Variants in KIF1B observed in about 807,000 individuals in gnomAD.
KIF1B encodes kinesin-like protein KIF1B.
Under a neutral mutation model 241.9 loss-of-function variants are expected in KIF1B, and 76 were observed. That is an observed-to-expected ratio of 0.31 (90% CI 0.26 to 0.38). The LOEUF (loss-of-function observed/expected upper bound fraction) is 0.38, where lower values mean the gene tolerates loss of function less well. KIF1B is among the 10% of genes least tolerant of loss of function. The pLI is 1.00. For synonymous variants in KIF1B, 750 were observed against 796.7 expected, an observed-to-expected ratio of 0.94 and a Z score of 0.99; for missense variants, 1,622 against 2,271.4, an observed-to-expected ratio of 0.71 and a Z score of 5.81.
intron 27 of KIF1B, among the ~76,000 whole-genome samples, chr1:10,333,849 CTTAAA>C (rs1362616522): frequency 6.6e-6 from 1 of 151,286 alleles, no homozygotes; most frequent in Non-Finnish European, 1.5e-5. Context: ...TTTATAATTT[CTTAAA>C]TTAAAAGGTT....
intron 31 of KIF1B, among the ~76,000 whole-genome samples, chr1:10,338,998 CCTT>C (rs1284112431): frequency 6.6e-6 from 1 of 152,064 alleles, no homozygotes; most frequent in African/African-American, 2.4e-5. Context: ...GAAGGGGTGT[CCTT>C]CTGATGGATT....
chr1:10,315,825 A>G (rs1277678917), intron 22 of KIF1B, among the ~76,000 whole-genome samples: 1 of 150,858 alleles, frequency 6.6e-6, no homozygotes, highest in Non-Finnish European at 1.5e-5. Flanking sequence ...GGAGGCCGAG[A>G]CGGGTGGATC....
At chr1:10,280,805 T>C (rs983471782) in intron 14 of KIF1B, among the ~76,000 whole-genome samples, 2 of 152,224 alleles carry the variant, frequency 1.3e-5, no homozygotes, top group Admixed American at 6.5e-5. Context: ...CTACCTCTTT[T>C]CTTAGCAGCT....
intron 40 of KIF1B, 28 bp downstream of exon 40, chr1:10,361,853 A>G (rs745379095): frequency 4.7e-5 from 76 of 1,611,734 alleles, no homozygotes; most frequent in Non-Finnish European, 6.3e-5. Context: ...GTTAGCTTCC[A>G]GTGTGTTTGT....
Position 10,336,638 on chromosome 1 carries a change from A to T in KIF1B, c.3044-19A>T. The stretch of plus-strand genomic sequence containing the variant: ...GTGTAGTCTCACTCAATTCTTGCTA[A>T]TTTTTTTTTCTGCTTTAGCGGATGA... On this transcript the variant is annotated intron_variant, in intron 28 of 48. Coordinates refer to ENST00000676179, the MANE Select transcript of KIF1B (RefSeq NM_001365951.3). The T allele has an allele frequency of 6.3e-7, 1 of 1,584,724 alleles. No individual in the cohort carries two copies. Among genetic ancestry groups the T allele is most frequent in the Non-Finnish European group, 8.7e-7 (1 of 1,154,626 alleles).
intron 5 of KIF1B, among the ~76,000 whole-genome samples, chr1:10,265,074 C>T (rs1470027727): frequency 4.6e-5 from 7 of 151,226 alleles, no homozygotes; most frequent in African/African-American, 7.3e-5. Context: ...GCTCAGTGAT[C>T]GTCCTGCCTC....
intron 5 of KIF1B, among the ~76,000 whole-genome samples, chr1:10,263,287 TAATA>T (rs138300656): frequency 0.01 from 1,452 of 144,950 alleles, 38 homozygotes; most frequent in East Asian, 0.092. Context: ...AAAATAATAA[TAATA>T]AATAAATAAA....
intron 7 of KIF1B, among the ~76,000 whole-genome samples, chr1:10,271,001 C>G (rs941039272): frequency 6.6e-6 from 1 of 151,598 alleles, no homozygotes; most frequent in African/African-American, 2.4e-5. Context: ...ACATTCCCAC[C>G]AGAAATATGT....
chr1:10,295,631 C>A, intron 18 of KIF1B, 29 bp from the exon 19 acceptor site: 1 of 1,594,946 alleles, frequency 6.3e-7, no homozygotes, highest in Non-Finnish European at 8.6e-7. Context: ...GTCTGAATTT[C>A]CCTGGGAAAC....
intron 12 of KIF1B, among the ~76,000 whole-genome samples, chr1:10,276,796 G>A (rs140065414): frequency 6.4e-4 from 97 of 152,256 alleles, no homozygotes; most frequent in African/African-American, 1.9e-3. Flanking sequence ...AAATGCTGAA[G>A]TCGGCCAGGC....
chr1:10,337,591 GTGCAC>G lies in KIF1B; in HGVS notation c.3422+61_3422+65del, dbSNP rs1652227541. Reference sequence around the variant, plus strand: ...GCTGCTAACCGAGGTGACATCTCTTGTGCACTGTAGAGTGCTTTACATGTGTGAGG... The same window carrying G: ...GCTGCTAACCGAGGTGACATCTCTTGTGTAGAGTGCTTTACATGTGTGAGG... On this transcript the variant is annotated intron_variant, in intron 31 of 48. Transcript: ENST00000676179. This position sits in a 1 kb window ranked among gnomAD's most constrained non-coding sequence, Gnocchi z 4.0. 1.9e-6 allele frequency: 3 copies of G among 1,581,994 alleles called. No individual in the cohort carries two copies. Among genetic ancestry groups the G allele is most frequent in the Non-Finnish European group, 2.6e-6 (3 of 1,151,106 alleles).
chr1:10,321,639 G>A, intron 23 of KIF1B, 70 bp from the exon 24 acceptor site: 1 of 1,495,098 alleles, frequency 6.7e-7, no homozygotes, highest in South Asian at 1.1e-5. Flanking sequence ...AAAGAGATAA[G>A]CTAGAAGAGA....
intron 5 of KIF1B, among the ~76,000 whole-genome samples, chr1:10,267,040 C>T (rs765839535): frequency 6.6e-6 from 1 of 150,990 alleles, no homozygotes; most frequent in Non-Finnish European, 1.5e-5. Flanking sequence ...TTTATTAAGA[C>T]AGAGCCTCAC....
At chr1:10,339,965 G>A in intron 32 of KIF1B, 106 bp downstream of exon 32, 1 of 933,992 alleles carries the variant, frequency 1.1e-6, no homozygotes, top group South Asian at 1.4e-5. Context: ...GCTGTGCAGG[G>A]GGAGAGTAGA....
chr1:10,222,419 A>C (rs1646857398), intron 1 of KIF1B, among the ~76,000 whole-genome samples: 1 of 152,192 alleles, frequency 6.6e-6, no homozygotes, highest in Non-Finnish European at 1.5e-5. Context: ...TTATGCTCTG[A>C]GGCTGTGGCA....
In KIF1B at chr1:10,308,210, G is replaced by A. The variant is rs1309247261; in HGVS notation, c.2115+10964G>A. ...GCGGGGATGCTGCCTGTGTCCTGGT[G>A]AACCTTAATGAAGGGGCCGTCTTAG... On this transcript the variant is annotated intron_variant, in intron 22 of 48. Coordinates refer to ENST00000676179, the MANE Select transcript of KIF1B (RefSeq NM_001365951.3). 9 of 1,061,808 alleles carry A rather than the reference G, an allele frequency of 8.5e-6. No individual in the cohort carries two copies. In the South Asian group the frequency reaches 2.3e-4, roughly 27 times the overall value. The allele number at this position is 1,061,808 out of a possible 1,614,324, so 65.8% of individuals were successfully genotyped here. A position where few individuals can be genotyped will look rare whatever the true frequency, so the allele number is the denominator to read the frequency against.
At chr1:10,274,493 C>T (rs1648994604) in intron 10 of KIF1B, among the ~76,000 whole-genome samples, 1 of 152,014 alleles carries the variant, frequency 6.6e-6, no homozygotes, top group African/African-American at 2.4e-5. Flanking sequence ...TTTCTTAGAC[C>T]TTTTTACTTT....
rs1638976905 is a variant in KIF1B, at chr1:10,379,793, C to G, written c.*3206C>G. On this transcript the variant is annotated 3_prime_UTR_variant, in exon 49 of 49. Transcript: ENST00000676179. ...AGCCCCAAATCAGTGCTCAGACCCT[C>G]TCTGTGTCTGTGTGCCCTCCTGGGA... The G allele has an allele frequency of 4.3e-6, 1 of 230,618 alleles. No homozygotes were observed. Among genetic ancestry groups the G allele is most frequent in the Non-Finnish European group, 8.6e-6 (1 of 116,500 alleles). 14.3% of individuals were successfully genotyped at this position (230,618 alleles called of 1,614,324 possible).
In KIF1B at chr1:10,303,561, C is replaced by A; in HGVS notation, c.2115+6315C>A. 6.2e-7 allele frequency: 1 copy of A among 1,614,140 alleles called. No homozygotes were observed. Among genetic ancestry groups the A allele is most frequent in the East Asian group, 2.2e-5 (1 of 44,884 alleles). ...CCTGGAGGGCAGTGGCCAGGGACGTCTGGGATACCGTCGGTGTTGGGGATG... is the reference window on the plus strand; with the variant it reads ...CCTGGAGGGCAGTGGCCAGGGACGTATGGGATACCGTCGGTGTTGGGGATG... On this transcript the variant is annotated intron_variant, in intron 22 of 48. Coordinates refer to ENST00000676179, the MANE Select transcript of KIF1B (RefSeq NM_001365951.3). The surrounding 1 kb of genome is among the most constrained non-coding windows in gnomAD (Gnocchi z 5.2).
Sources: gnomAD v4.1 joint callset for allele counts (sites outside exome capture counted in the v4.1 genomes callset) on GRCh38, gnomAD v4.1.1 for gene constraint, Gnocchi (gnomAD v3.1) non-coding constraint, MANE v1.5 for transcripts, NCBI Gene and HGNC (gene_info 2026-07-23, HGNC 2026-07-21) for gene names.